TET3: variants seen among roughly 807,000 people sequenced by gnomAD.
TET3 encodes the protein tet methylcytosine dioxygenase 3, also known as methylcytosine dioxygenase TET3.
Under a neutral mutation model 141.4 loss-of-function variants are expected in TET3, and 19 were observed. The ratio of observed to expected loss-of-function variants is 0.13; its 90% confidence interval spans 0.09 to 0.20. The LOEUF is 0.20. Ranked by LOEUF, TET3 falls within the 10% of genes least tolerant of loss-of-function variation. TET3 has a pLI of 1.00. For synonymous variants in TET3, 1,043 were observed against 980.9 expected, an observed-to-expected ratio of 1.06 and a Z score of -1.18; for missense variants, 1,874 against 2,356.9, an observed-to-expected ratio of 0.80 and a Z score of 4.24.
chr2:74,075,274 T>C (rs1478297676), intron 5 of TET3, among the ~76,000 whole-genome samples: 1 of 151,528 alleles, frequency 6.6e-6, no homozygotes, highest in Non-Finnish European at 1.5e-5. Context: ...CTTAGAGTTG[T>C]CGCAAATTTG....
At chr2:74,039,405 C>G (rs1188452204) in intron 3 of TET3, among the ~76,000 whole-genome samples, 1 of 152,196 alleles carries the variant, frequency 6.6e-6, no homozygotes, top group African/African-American at 2.4e-5. Flanking sequence ...CCACCACAGG[C>G]CCCTGTAGAT....
At position 74,100,501 on chromosome 2, in the gene TET3, A is replaced by C; in HGVS notation, c.3713A>C (p.Glu1238Ala). ...AAGTACAGCGGCAACGCGGTGGTGG[A>C]GAGCTACTCGGTGCTGGGCAACTGC... ...SFKYSGNAVV[E>A]SYSVLGNCRP... The change falls in exon 12 of 12, where the codon GAG (glutamate) becomes GCG (alanine). Residue 1238 changes from glutamate (E) to alanine (A), a missense_variant. Physicochemically the swap from Glu to Ala is moderately radical, Grantham distance 107. Around this residue, in one of 10 missense-constraint regions of TET3, gnomAD observed 602 missense variants for 590.2 expected, o/e 1.02. Coordinates refer to ENST00000409262, the MANE Select transcript of TET3 (RefSeq NM_001287491.2). The C allele has an allele frequency of 1.2e-6, 2 of 1,604,752 alleles. No homozygotes were observed. Among genetic ancestry groups the C allele is most frequent in the Non-Finnish European group, 1.7e-6 (2 of 1,175,824 alleles).
chr2:73,991,674 A>T (rs1684330825), intron 2 of TET3, among the ~76,000 whole-genome samples: 1 of 151,952 alleles, frequency 6.6e-6, no homozygotes, highest in African/African-American at 2.4e-5. Flanking sequence ...GGTGGACCAA[A>T]CTGGTCTGGG....
intron 3 of TET3, among the ~76,000 whole-genome samples, chr2:74,042,871 T>A (rs565555891): frequency 4.1e-4 from 62 of 152,324 alleles, no homozygotes; most frequent in African/African-American, 1.4e-3. Context: ...TTTCTTAAGA[T>A]CTTCCTATCC....
intron 2 of TET3, among the ~76,000 whole-genome samples, chr2:73,997,309 T>C (rs139696449): frequency 1.8e-4 from 28 of 152,282 alleles, no homozygotes; most frequent in African/African-American, 5.3e-4. Context: ...GGGGAGGACA[T>C]GGGTGGCTCT....
chr2:74,133,030 T>C, the TET3 span, among the ~76,000 whole-genome samples: 1 of 151,820 alleles, frequency 6.6e-6, no homozygotes, highest in Non-Finnish European at 1.5e-5. Context: ...CCCGAGTAGC[T>C]GGGACTACAG....
intron 3 of TET3, among the ~76,000 whole-genome samples, chr2:74,043,848 C>T (rs942754102): frequency 6.6e-6 from 1 of 152,062 alleles, no homozygotes. Context: ...GCACTGGCAT[C>T]TTTTTAGCCA....
chr2:73,994,638 C>CTTTTTT (rs572235939), intron 2 of TET3, among the ~76,000 whole-genome samples: 33 of 96,720 alleles, frequency 3.4e-4, no homozygotes, highest in African/African-American at 4.8e-4. Context: ...TTCTTTCTTT[C>CTTTTTT]TTTTTTTTTT....
chr2:74,119,981 C>A, the TET3 span, among the ~76,000 whole-genome samples: 1 of 152,170 alleles, frequency 6.6e-6, no homozygotes, highest in South Asian at 2.1e-4. Context: ...TTTTGACATT[C>A]CTTGGGTGCT....
chr2:74,047,311 AGTT>A lies in TET3; in HGVS notation c.1399_1401del (p.Leu467del), dbSNP rs1573780497. 1 of 1,613,948 alleles carries A rather than the reference AGTT, an allele frequency of 6.2e-7. No individual in the cohort carries two copies. The highest frequency in any genetic ancestry group is 8.5e-7 in the Non-Finnish European group (1 of 1,179,870). On this transcript the variant is annotated inframe_deletion, in exon 4 of 12. Coordinates refer to ENST00000409262, the MANE Select transcript of TET3 (RefSeq NM_001287491.2). ...CCCGATCCCATGGCTGAACTGGAGC[AGTT>A]GTTGGGCAGCGCCAGTGATTACATC... is the stretch of plus-strand genomic sequence containing the variant.
chr2:74,129,751 G>A, the TET3 span, among the ~76,000 whole-genome samples: 1 of 152,106 alleles, frequency 6.6e-6, no homozygotes, highest in African/African-American at 2.4e-5. Context: ...CTTCCAGAGA[G>A]AGGCAGGAGT....
intron 3 of TET3, among the ~76,000 whole-genome samples, chr2:74,009,207 C>T (rs1339591509): frequency 6.6e-6 from 1 of 152,190 alleles, no homozygotes; most frequent in Non-Finnish European, 1.5e-5. Flanking sequence ...TCCTGTACCT[C>T]GGGGAGGTGC....
chr2:74,031,489 C>T (rs1686686030), intron 3 of TET3, among the ~76,000 whole-genome samples: 1 of 152,178 alleles, frequency 6.6e-6, no homozygotes, highest in South Asian at 2.1e-4. Context: ...TTTCAGTTAT[C>T]TGGGCTAATA....
At chr2:74,119,024 T>C in the TET3 span, among the ~76,000 whole-genome samples, 1 of 152,242 alleles carries the variant, frequency 6.6e-6, no homozygotes, top group South Asian at 2.1e-4. Context: ...TTCTTTGATC[T>C]GCAGACTGCT....
intron 2 of TET3, among the ~76,000 whole-genome samples, chr2:74,002,137 C>CA (rs1684879547): frequency 6.6e-6 from 1 of 152,168 alleles, no homozygotes; most frequent in Non-Finnish European, 1.5e-5. Context: ...AGACCTGGCT[C>CA]AGAGTCCCGG....
intron 4 of TET3, among the ~76,000 whole-genome samples, chr2:74,062,026 G>A (rs919348231): frequency 2.6e-5 from 4 of 152,132 alleles, no homozygotes; most frequent in Non-Finnish European, 2.9e-5. Context: ...GGTGGCGGCC[G>A]GGCAGAGGCT....
the TET3 span, among the ~76,000 whole-genome samples, chr2:74,130,306 A>G: frequency 6.6e-6 from 1 of 152,226 alleles, no homozygotes; most frequent in African/African-American, 2.4e-5. Context: ...GCCACAGGGT[A>G]TCTTACCAGG....
chr2:74,008,921 GC>G (rs1558706650), intron 3 of TET3, among the ~76,000 whole-genome samples: 1 of 152,218 alleles, frequency 6.6e-6, no homozygotes, highest in South Asian at 2.1e-4. Flanking sequence ...TCTCAACCCC[GC>G]CTCCAGGCAT....
At chr2:74,009,547 A>G (rs993309506) in intron 3 of TET3, among the ~76,000 whole-genome samples, 6 of 152,164 alleles carry the variant, frequency 3.9e-5, no homozygotes, top group African/African-American at 1.4e-4. Context: ...GAATACAGAA[A>G]TGGGTTTTCA....
Sources: gnomAD v4.1 joint callset for allele counts (sites outside exome capture counted in the v4.1 genomes callset) on GRCh38, gnomAD v4.1.1 for gene constraint, gnomAD v4.1.1 regional missense constraint, MANE v1.5 for transcripts, NCBI Gene and HGNC (gene_info 2026-07-23, HGNC 2026-07-21) for gene names.